Variants in TOX observed in about 807,000 individuals in gnomAD.
TOX encodes the protein thymocyte selection-associated high mobility group box protein TOX.
A neutral mutation model predicts 53.7 loss-of-function variants in TOX; 11 were observed. The observed-to-expected ratio is 0.20, with a 90% CI of 0.13 to 0.34. The LOEUF is 0.34. Ranked by LOEUF, TOX falls within the 10% of genes least tolerant of loss-of-function variation. The pLI, the probability that TOX is intolerant of heterozygous loss-of-function variation, is 1.00. For missense variants in TOX, 570 were observed against 664.6 expected, an observed-to-expected ratio of 0.86 and a Z score of 1.56; for synonymous variants, 225 against 245.3, an observed-to-expected ratio of 0.92 and a Z score of 0.77.
intron 1 of TOX, among the ~76,000 whole-genome samples, chr8:59,038,926 G>C (rs1803520091): frequency 6.6e-6 from 1 of 152,252 alleles, no homozygotes; most frequent in Non-Finnish European, 1.5e-5. Flanking sequence ...AGTGTGATGT[G>C]ATGAAATCTC....
intron 1 of TOX, among the ~76,000 whole-genome samples, chr8:59,086,944 T>C (rs1027542993): frequency 6.6e-6 from 1 of 152,162 alleles, no homozygotes; most frequent in Non-Finnish European, 1.5e-5. Flanking sequence ...AGGATGAAGT[T>C]AGTAAAAGGT....
intron 1 of TOX, among the ~76,000 whole-genome samples, chr8:59,109,919 C>A (rs749745582): frequency 6.6e-6 from 1 of 152,146 alleles, no homozygotes; most frequent in Non-Finnish European, 1.5e-5. Flanking sequence ...TGCAAACTTT[C>A]TCTCCCTAAT....
chr8:59,033,197 T>G (rs1451630696), intron 1 of TOX, among the ~76,000 whole-genome samples: 8 of 152,196 alleles, frequency 5.3e-5, no homozygotes, highest in Non-Finnish European at 1.2e-4. Context: ...ACTCTCCCAT[T>G]GTGAGTTGGA....
chr8:59,089,763 A>G (rs748971609), intron 1 of TOX, among the ~76,000 whole-genome samples: 3 of 152,118 alleles, frequency 2.0e-5, no homozygotes, highest in Non-Finnish European at 4.4e-5. Context: ...TAATTTTTTA[A>G]TTTGTAGAGA....
At chr8:58,987,078 C>T (rs1813344340) in intron 1 of TOX, among the ~76,000 whole-genome samples, 1 of 152,158 alleles carries the variant, frequency 6.6e-6, no homozygotes, top group African/African-American at 2.4e-5. Context: ...AGGCTGCAGT[C>T]CAGAAGAGAT....
chr8:58,853,929 T>C (rs933148347), intron 3 of TOX, among the ~76,000 whole-genome samples: 7 of 152,178 alleles, frequency 4.6e-5, no homozygotes, highest in Admixed American at 4.6e-4. Context: ...ATACTAAATT[T>C]CTTTTCAGGC....
At chr8:58,824,597 T>C (rs998745021) in intron 6 of TOX, among the ~76,000 whole-genome samples, 5 of 152,228 alleles carry the variant, frequency 3.3e-5, no homozygotes, top group African/African-American at 7.2e-5. Context: ...CTGTCTTCCT[T>C]CAACCCCCAG....
intron 1 of TOX, among the ~76,000 whole-genome samples, chr8:59,042,045 C>T (rs890593662): frequency 6.6e-6 from 1 of 152,074 alleles, no homozygotes; most frequent in African/African-American, 2.4e-5. Context: ...CTCCATATAG[C>T]GTACTCCCTT....
chr8:59,048,323 C>A (rs1803725759), intron 1 of TOX, among the ~76,000 whole-genome samples: 2 of 152,202 alleles, frequency 1.3e-5, no homozygotes. Context: ...TTGTGTTCAG[C>A]AATCACTCTC....
intron 1 of TOX, among the ~76,000 whole-genome samples, chr8:59,064,303 T>A (rs1029492588): frequency 6.6e-6 from 1 of 152,348 alleles, no homozygotes; most frequent in Non-Finnish European, 1.5e-5. Context: ...GATCGTATAG[T>A]CCTGAATTAT....
At chr8:58,963,601 G>C (rs1038126969) in intron 1 of TOX, among the ~76,000 whole-genome samples, 4 of 152,146 alleles carry the variant, frequency 2.6e-5, no homozygotes, top group Admixed American at 1.3e-4. Context: ...CCCACTTCCT[G>C]TGTTCCAGTT....
chr8:58,993,556 G>C (rs1813496135), intron 1 of TOX, among the ~76,000 whole-genome samples: 1 of 152,158 alleles, frequency 6.6e-6, no homozygotes, highest in Admixed American at 6.5e-5. Flanking sequence ...ACACATTTAA[G>C]AAAAGTTGAA....
At chr8:58,899,274 C>T (rs1811697127) in intron 3 of TOX, among the ~76,000 whole-genome samples, 1 of 152,188 alleles carries the variant, frequency 6.6e-6, no homozygotes. Flanking sequence ...AAAATTAGCC[C>T]TTGCAGACAA....
intron 3 of TOX, among the ~76,000 whole-genome samples, chr8:58,923,575 A>C (rs56270941): frequency 6.6e-6 from 1 of 152,156 alleles, no homozygotes; most frequent in Non-Finnish European, 1.5e-5. Flanking sequence ...CCTTAAGAAC[A>C]CTACCTCCAT....
intron 1 of TOX, among the ~76,000 whole-genome samples, chr8:58,981,464 C>T (rs1813204863): frequency 6.6e-6 from 1 of 152,118 alleles, no homozygotes; most frequent in Non-Finnish European, 1.5e-5. Flanking sequence ...GTCCCACTCT[C>T]TCACTTTCTT....
intron 3 of TOX, among the ~76,000 whole-genome samples, chr8:58,927,239 G>T (rs550255772): frequency 2.4e-4 from 37 of 152,252 alleles, no homozygotes; most frequent in Middle Eastern, 3.4e-3. Flanking sequence ...ATTTTTTAAA[G>T]AAGAGGGCAG....
In TOX at chr8:59,005,044, C is replaced by CT. The variant is rs11332501; in HGVS notation, c.103-45037dup. 5.9e-3 allele frequency among the ~76,000 whole-genome samples: 843 copies of CT among 141,766 alleles called. 12 individuals carry two copies. The highest frequency in any genetic ancestry group is 0.019 in the African/African-American group (730 of 38,716). The allele number at this position is 141,766 out of a possible 152,430, so 93.0% of individuals were successfully genotyped here. A position where few individuals can be genotyped will look rare whatever the true frequency, so the allele number is the denominator to read the frequency against. ...AATTTAAACTTGAAAATATCATTTT[C>CT]TTTTTTTTTTTTGAGACAGACTCTC... On this transcript the variant is annotated intron_variant, in intron 1 of 8. Transcript: ENST00000361421.
At chr8:58,928,077 A>T (rs1360578287) in intron 3 of TOX, among the ~76,000 whole-genome samples, 2 of 152,210 alleles carry the variant, frequency 1.3e-5, no homozygotes, top group African/African-American at 2.4e-5. Context: ...ACTTTCGTCA[A>T]GTTTAATATA....
chr8:59,081,066 G>T (rs1041315843), intron 1 of TOX, among the ~76,000 whole-genome samples: 1 of 152,024 alleles, frequency 6.6e-6, no homozygotes, highest in Non-Finnish European at 1.5e-5. Flanking sequence ...TCACTCTGTC[G>T]CCCAGGCTGG....
Sources: allele counts gnomAD v4.1 joint callset (sites outside exome capture counted in the v4.1 genomes callset), GRCh38; gene constraint gnomAD v4.1.1; transcripts MANE v1.5; gene names NCBI Gene and HGNC (gene_info 2026-07-23, HGNC 2026-07-21).